Variants in DDHD1 observed in about 807,000 individuals in gnomAD.
The protein encoded by DDHD1 is DDHD domain containing 1, also known as phospholipase DDHD1.
DDHD1 carries 49 observed loss-of-function variants against 96.4 expected under a neutral mutation model. The ratio of observed to expected loss-of-function variants is 0.51; its 90% CI spans 0.40 to 0.64. The LOEUF (loss-of-function observed/expected upper bound fraction) is 0.64. Ranked by LOEUF, DDHD1 falls within the 30% of genes least tolerant of loss-of-function variation. DDHD1 has a pLI of 0.00. For synonymous variants in DDHD1, 442 were observed against 446.5 expected (o/e 0.99, Z 0.13); for missense variants, 1,106 against 1,161.2 (o/e 0.95, Z 0.69).
Position 53,152,301 on chromosome 14 carries a change from C to G in DDHD1, c.798G>C (p.Val266=). The part of the protein sequence containing the change: ...PVCVRGGLYE[V]DVTQGECYPV... ...GGTAGCACTCTCCTTGGGTCACATC[C>G]ACCTCGTAGAGGCCGCCCCGCACGC... Residue 266 remains valine, a synonymous_variant, in exon 1 of 13, where the codon GTG becomes GTC. Transcript: ENST00000673822. 1 of 1,613,536 alleles carries G rather than the reference C, an allele frequency of 6.2e-7. No homozygotes were observed.
rs748294906 is a variant in DDHD1 at position 53,152,301 on chromosome 14, C to T, written c.798G>A (p.Val266=). ...PVCVRGGLYE[V]DVTQGECYPV... ...GGTAGCACTCTCCTTGGGTCACATC[C>T]ACCTCGTAGAGGCCGCCCCGCACGC... The change falls in exon 1 of 13, where the codon GTG becomes GTA. Residue 266 remains valine, a synonymous_variant. Coordinates refer to ENST00000673822, the MANE Select transcript of DDHD1 (RefSeq NM_001160148.2). The T allele has an allele frequency of 1.2e-6, 2 of 1,613,536 alleles. No individual in the cohort carries two copies.
intron 10 of DDHD1, among the ~76,000 whole-genome samples, chr14:53,054,988 G>A (rs534418521): frequency 3.9e-5 from 6 of 152,260 alleles, no homozygotes; most frequent in Admixed American, 2.6e-4. Context: ...ACTTACTACT[G>A]AATTTAAATG....
intron 4 of DDHD1, 27 bp downstream of exon 4, chr14:53,091,758 A>G (rs1886446178): frequency 1.9e-6 from 3 of 1,607,546 alleles, no homozygotes; most frequent in Non-Finnish European, 2.6e-6. Flanking sequence ...TAGATTAGAT[A>G]TACAATGCAT....
rs139783946 is a variant in DDHD1 at position 53,098,845 on chromosome 14, C to T, written c.1012+4838G>A. ...GTGCTGCTATGGCACCTGAAATTAC[C>T]TGGAACAGTAAGAATTCCAATCTTT... On this transcript the variant is annotated intron_variant, in intron 2 of 12. Coordinates refer to ENST00000673822, the MANE Select transcript of DDHD1 (RefSeq NM_001160148.2). Among the ~76,000 whole-genome samples, 33 of 152,210 alleles carry T rather than the reference C, an allele frequency of 2.2e-4. No homozygotes were observed. In the East Asian group the frequency reaches 6.0e-3, roughly 28 times the overall value.
Position 53,063,116 on chromosome 14 carries a change from G to A in DDHD1, c.1593C>T (p.Val531=). Residue 531 remains valine (V), a synonymous_variant, in exon 7 of 13, where the codon GTC becomes GTT. Coordinates refer to ENST00000673822, the MANE Select transcript of DDHD1 (RefSeq NM_001160148.2). ...ATCCCAAGGAATGTGATACTATTGA[G>A]ACTTTACCCCCTTTTTCTTCAAAGT... ...NPDFEEKGGK[V]SIVSHSLGCV... The A allele has an allele frequency of 1.2e-6, 2 of 1,613,994 alleles. No homozygotes were observed.
chr14:53,055,593 A>G lies in DDHD1; in HGVS notation c.2245+67T>C, dbSNP rs373482403. The G allele has an allele frequency of 4.7e-5, 64 of 1,351,388 alleles. No individual in the cohort carries two copies. In the East Asian group the frequency reaches 7.9e-4, roughly 17 times the overall value. The allele number at this position is 1,351,388 out of a possible 1,614,324, so 83.7% of individuals were successfully genotyped here. A position where few individuals can be genotyped will look rare whatever the true frequency, so the allele number is the denominator to read the frequency against. ...GTTTCCTAATACATAGAATACTTCT[A>G]GTCCCCCAAACTTATGTCTAGGAAA... On this transcript the variant is annotated intron_variant, in intron 10 of 12. Transcript: ENST00000673822.
intron 9 of DDHD1, among the ~76,000 whole-genome samples, chr14:53,057,541 T>C (rs536317951): frequency 6.6e-6 from 1 of 152,332 alleles, no homozygotes; most frequent in Admixed American, 6.5e-5. Flanking sequence ...GTCTACAAAA[T>C]ACATTCCAAT....
At chr14:53,093,591 A>T in intron 2 of DDHD1, 147 bp from the exon 3 acceptor site, 1 of 1,076,966 alleles carries the variant, frequency 9.3e-7, no homozygotes, top group African/African-American at 1.6e-5. Flanking sequence ...ATTTCACATA[A>T]AAAAAGTTAT....
chr14:53,043,745 T>A lies in DDHD1; in HGVS notation c.*3023A>T, dbSNP rs904872915. The A allele has an allele frequency of 2.0e-5, 3 of 152,232 alleles. No homozygotes were observed. Among genetic ancestry groups the A allele is most frequent in the South Asian group, 2.1e-4 (1 of 4,832 alleles). 9.4% of individuals were successfully genotyped at this position (152,232 alleles called of 1,614,324 possible). On this transcript the variant is annotated 3_prime_UTR_variant, in exon 13 of 13. Transcript: ENST00000673822. ...ACCTGGCCAAAATCCAGTATATTTT[T>A]AAATTATGTCCTAAAACACAGAAAC...
rs574458818 is a variant in DDHD1 at position 53,140,122 on chromosome 14, T to C, written c.838+12139A>G. On this transcript the variant is annotated intron_variant, in intron 1 of 12. Transcript: ENST00000673822. Reference sequence around the variant, plus strand: ...AACTTGAAAATAAGTTAATAAAAATTATGCAAATAGAAATACAAAGAAAAA... The same window carrying C: ...AACTTGAAAATAAGTTAATAAAAATCATGCAAATAGAAATACAAAGAAAAA... 5.9e-5 allele frequency among the ~76,000 whole-genome samples: 9 copies of C among 152,054 alleles called. No individual in the cohort carries two copies. In the East Asian group the frequency reaches 1.3e-3, roughly 23 times the overall value.
Position 53,040,465 on chromosome 14 carries a change from G to A in DDHD1, c.*6303C>T, listed in dbSNP as rs903993327. The A allele has an allele frequency of 6.6e-6, 1 of 152,152 alleles. No homozygotes were observed. The highest frequency in any genetic ancestry group is 2.4e-5 in the African/African-American group (1 of 41,456). The allele number at this position is 152,152 out of a possible 1,614,324, so 9.4% of individuals were successfully genotyped here. A position where few individuals can be genotyped will look rare whatever the true frequency, so the allele number is the denominator to read the frequency against. ...GCCTAGTCTGAGGTTGCTCACTGTAGGGCACAACTACTTGTTTCGGGTGAG... is the reference window on the plus strand; with the variant it reads ...GCCTAGTCTGAGGTTGCTCACTGTAAGGCACAACTACTTGTTTCGGGTGAG... On this transcript the variant is annotated 3_prime_UTR_variant, in exon 13 of 13. Transcript: ENST00000673822.
At chr14:53,140,140 A>G (rs2139877944) in intron 1 of DDHD1, among the ~76,000 whole-genome samples, 1 of 152,316 alleles carries the variant, frequency 6.6e-6, no homozygotes, top group South Asian at 2.1e-4. Flanking sequence ...TAGAAATACA[A>G]AGAAAAAAAA....
At chr14:53,071,574 T>C (rs540244318) in intron 6 of DDHD1, among the ~76,000 whole-genome samples, 11 of 152,228 alleles carry the variant, frequency 7.2e-5, no homozygotes, top group South Asian at 2.1e-4. Flanking sequence ...TCAAAACACC[T>C]TTAACCAGCT....
intron 1 of DDHD1, among the ~76,000 whole-genome samples, chr14:53,108,510 T>C (rs1007926829): frequency 1.1e-4 from 17 of 152,144 alleles, no homozygotes; most frequent in Non-Finnish European, 2.4e-4. Flanking sequence ...CTGGTAACAG[T>C]GCCATTGCAC....
chr14:53,146,338 T>C (rs1890979036), intron 1 of DDHD1, among the ~76,000 whole-genome samples: 1 of 150,104 alleles, frequency 6.7e-6, no homozygotes, highest in Non-Finnish European at 1.5e-5. Context: ...ACTCCATATC[T>C]ACTAAGAATA....
chr14:53,124,230 T>C (rs1396410627), intron 1 of DDHD1, among the ~76,000 whole-genome samples: 1 of 146,164 alleles, frequency 6.8e-6, no homozygotes, highest in Non-Finnish European at 1.5e-5. Context: ...AGTGAAACTC[T>C]GTCTCAAAAA....
chr14:53,094,906 A>G (rs1886750258), intron 2 of DDHD1, among the ~76,000 whole-genome samples: 1 of 152,092 alleles, frequency 6.6e-6, no homozygotes, highest in South Asian at 2.1e-4. Flanking sequence ...GCTTGGTGAA[A>G]ATGAGGCCTT....
intron 1 of DDHD1, among the ~76,000 whole-genome samples, chr14:53,111,532 T>C (rs1396797658): frequency 6.6e-6 from 1 of 152,244 alleles, no homozygotes; most frequent in East Asian, 1.9e-4. Context: ...CTGTGTACTG[T>C]AGACTTTGAG....
chr14:53,051,833 A>G lies in DDHD1; in HGVS notation c.2521+11T>C, dbSNP rs779832071. 2.5e-5 allele frequency: 40 copies of G among 1,577,554 alleles called. No individual in the cohort carries two copies. The highest frequency in any genetic ancestry group is 3.3e-5 in the Non-Finnish European group (38 of 1,156,584). The stretch of plus-strand genomic sequence containing the variant: ...TAGTATTCTGAATGCTATTCCTGAC[A>G]TATACCATACCGAGGGCATTATCTT... On this transcript the variant is annotated intron_variant, in intron 12 of 12. Transcript: ENST00000673822.
Sources: allele counts gnomAD v4.1 joint callset (sites outside exome capture counted in the v4.1 genomes callset), GRCh38; gene constraint gnomAD v4.1.1; transcripts MANE v1.5; gene names NCBI Gene and HGNC (gene_info 2026-07-23, HGNC 2026-07-21).